The following DACH1 variants were observed in gnomAD, a reference collection of about 807,000 sequenced individuals.
DACH1 encodes dachshund homolog 1.
In DACH1, 12 loss-of-function variants were observed where a neutral mutation model predicts 54.2. The ratio of observed to expected loss-of-function variants is 0.22; its 90% CI spans 0.14 to 0.36. The LOEUF (loss-of-function observed/expected upper bound fraction) is 0.36. Ranked by LOEUF, DACH1 falls within the 10% of genes least tolerant of loss-of-function variation. DACH1 has a pLI of 1.00. For synonymous variants in DACH1, 386 were observed against 366.2 expected (o/e 1.05, Z -0.62); for missense variants, 805 against 929.8 (o/e 0.87, Z 1.75).
chr13:71,528,568 C>T (rs1214680330), intron 6 of DACH1, among the ~76,000 whole-genome samples: 2 of 151,518 alleles, frequency 1.3e-5, no homozygotes, highest in Admixed American at 6.6e-5. Context: ...GCTGGGACTA[C>T]AGGCGCCTGC....
chr13:71,748,894 CTTTCTCTTTCTT>C (rs1312625869), intron 1 of DACH1, among the ~76,000 whole-genome samples: 316 of 86,490 alleles, frequency 3.7e-3, no homozygotes, highest in African/African-American at 0.014. Flanking sequence ...TTCTTTCTTT[CTTTCTCTTTCTT>C]TCTTTCTTTC....
At chr13:71,631,679 G>A (rs1439853834) in intron 2 of DACH1, among the ~76,000 whole-genome samples, 1 of 152,134 alleles carries the variant, frequency 6.6e-6, no homozygotes. Flanking sequence ...CCATGGCACA[G>A]GATTTGAAAC....
intron 1 of DACH1, among the ~76,000 whole-genome samples, chr13:71,710,463 T>C (rs1882667373): frequency 7.3e-6 from 1 of 136,752 alleles, no homozygotes; most frequent in African/African-American, 3.4e-5. Context: ...TGTGTGTGTG[T>C]GTGTGTGTGT....
At chr13:71,491,165 C>A (rs1311756459) in intron 6 of DACH1, among the ~76,000 whole-genome samples, 4 of 152,068 alleles carry the variant, frequency 2.6e-5, no homozygotes, top group African/African-American at 7.2e-5. Context: ...ATTTATGTAG[C>A]CAGTATTTAT....
chr13:71,546,051 C>T (rs1328500583), intron 6 of DACH1, among the ~76,000 whole-genome samples: 1 of 152,020 alleles, frequency 6.6e-6, no homozygotes, highest in Non-Finnish European at 1.5e-5. Context: ...GGTAGTGATC[C>T]AGTGAAGGCT....
At chr13:71,795,468 C>G (rs1296539519) in intron 1 of DACH1, among the ~76,000 whole-genome samples, 5 of 152,108 alleles carry the variant, frequency 3.3e-5, no homozygotes, top group Non-Finnish European at 7.3e-5. Flanking sequence ...TCCATCTCTT[C>G]GAGGGAGGGC....
In DACH1 at chr13:71,494,383, T is replaced by C. The variant is rs555620439; in HGVS notation, c.1571-5235A>G. On this transcript the variant is annotated intron_variant, in intron 6 of 10. Transcript: ENST00000613252. ...TTGAGTTTTGAATTTTGACTTTTTT[T>C]CCCCTGGGTTAGCAATATGCAGTAT... Among the ~76,000 whole-genome samples, 149 of 152,214 alleles carry C rather than the reference T, an allele frequency of 9.8e-4. 1 individual carries two copies. The highest frequency in any genetic ancestry group is 3.4e-3 in the Middle Eastern group (1 of 294).
At chr13:71,591,859 A>AT (rs113842553) in intron 3 of DACH1, among the ~76,000 whole-genome samples, 17,925 of 152,176 alleles carry the variant, frequency 0.12, 2,316 homozygotes, top group African/African-American at 0.32. Flanking sequence ...GAACAAGATT[A>AT]AAAAGTTACT....
chr13:71,766,486 G>A (rs1356685748), intron 1 of DACH1, among the ~76,000 whole-genome samples: 1 of 152,124 alleles, frequency 6.6e-6, no homozygotes, highest in Non-Finnish European at 1.5e-5. Context: ...CAAACATAAT[G>A]TAACCTCCAT....
chr13:71,641,245 A>G lies in DACH1; in HGVS notation c.965-10528T>C, dbSNP rs139200332. On this transcript the variant is annotated intron_variant, in intron 2 of 10. Transcript: ENST00000613252. Reference sequence around the variant, plus strand: ...CATATATACATACATATGTATGAATATATGTACACATACATATATATACAC... The same window carrying G: ...CATATATACATACATATGTATGAATGTATGTACACATACATATATATACAC... Among the ~76,000 whole-genome samples the G allele has an allele frequency of 3.1e-4, 47 of 152,284 alleles. 1 individual carries two copies. The East Asian group carries it at 8.3e-3, about 27-fold the overall frequency.
chr13:71,732,454 C>T (rs1344291030), intron 1 of DACH1, among the ~76,000 whole-genome samples: 2 of 151,472 alleles, frequency 1.3e-5, no homozygotes, highest in Non-Finnish European at 2.9e-5. Context: ...GTGTGGTGGT[C>T]GGTACCTGTA....
At chr13:71,705,046 T>C (rs576108800) in intron 1 of DACH1, among the ~76,000 whole-genome samples, 2 of 152,332 alleles carry the variant, frequency 1.3e-5, no homozygotes, top group Admixed American at 1.3e-4. Flanking sequence ...ATTCACATTT[T>C]TATGGTAGTG....
intron 2 of DACH1, among the ~76,000 whole-genome samples, chr13:71,650,345 T>C (rs1878583832): frequency 6.6e-6 from 1 of 152,184 alleles, no homozygotes; most frequent in Non-Finnish European, 1.5e-5. Context: ...CAGTACTTGG[T>C]ATATTACAGC....
At chr13:71,759,543 G>A (rs1258122737) in intron 1 of DACH1, among the ~76,000 whole-genome samples, 1 of 152,180 alleles carries the variant, frequency 6.6e-6, no homozygotes, top group Admixed American at 6.5e-5. Flanking sequence ...ACTGTTCTGG[G>A]AATTTAAAGT....
chr13:71,649,552 A>G (rs549583976), intron 2 of DACH1, among the ~76,000 whole-genome samples: 1 of 152,314 alleles, frequency 6.6e-6, no homozygotes, highest in African/African-American at 2.4e-5. Flanking sequence ...CAATCCATAT[A>G]TGTAGGCTAT....
rs113874980 is a variant in DACH1 at position 71,743,483 on chromosome 13, G to A, written c.849-61573C>T. Among the ~76,000 whole-genome samples, 9 of 152,222 alleles carry A rather than the reference G, an allele frequency of 5.9e-5. 1 individual carries two copies. Among genetic ancestry groups the A allele is most frequent in the East Asian group, 1.9e-4 (1 of 5,174 alleles). On this transcript the variant is annotated intron_variant, in intron 1 of 10. Transcript: ENST00000613252. ...ACTTTGCTAAAGGTTTTGCTTTTTCGCACAGTCCCTACAACTCTATGAGGT... is the reference window on the plus strand; with the variant it reads ...ACTTTGCTAAAGGTTTTGCTTTTTCACACAGTCCCTACAACTCTATGAGGT...
At chr13:71,531,950 A>C (rs1255395770) in intron 6 of DACH1, among the ~76,000 whole-genome samples, 1 of 151,906 alleles carries the variant, frequency 6.6e-6, no homozygotes, top group Non-Finnish European at 1.5e-5. Flanking sequence ...ATACATGTGC[A>C]TGTATGTGTG....
At chr13:71,592,884 C>T (rs935071530) in intron 3 of DACH1, among the ~76,000 whole-genome samples, 16 of 152,094 alleles carry the variant, frequency 1.1e-4, no homozygotes, top group African/African-American at 3.9e-4. Context: ...AGTAGGCATT[C>T]AGTAAACTGG....
At chr13:71,664,077 C>T (rs1364942721) in intron 2 of DACH1, among the ~76,000 whole-genome samples, 2 of 151,880 alleles carry the variant, frequency 1.3e-5, no homozygotes, top group Non-Finnish European at 2.9e-5. Context: ...TCAAACCTGG[C>T]ATTTTTGTTG....
Sources: allele counts gnomAD v4.1 joint callset (sites outside exome capture counted in the v4.1 genomes callset), GRCh38; gene constraint gnomAD v4.1.1; transcripts MANE v1.5; gene names NCBI Gene and HGNC (gene_info 2026-07-23, HGNC 2026-07-21).